The following FNTB variants were observed in gnomAD, a reference collection of about 807,000 sequenced individuals.
FNTB encodes the protein farnesyltransferase, CAAX box, subunit beta.
In FNTB, 27 loss-of-function variants were observed where a neutral mutation model predicts 59.4. The ratio of observed to expected loss-of-function variants is 0.45; its 90% CI spans 0.34 to 0.63. FNTB has a LOEUF of 0.63. Ranked by LOEUF, FNTB falls within the 20% of genes least tolerant of loss-of-function variation. FNTB has a pLI of 0.02. For missense variants in FNTB, 449 were observed against 559.6 expected (o/e 0.80, Z 1.99); for synonymous variants, 230 against 220.7 (o/e 1.04, Z -0.37).
rs1377797152 is a variant in FNTB at position 64,997,419 on chromosome 14, C to T, written c.145-6830C>T. ...CCAGTCAACATTCCCATTCCCTAAC[C>T]CCCTGCCCACCAAACTATCCTTGAA... On this transcript the variant is annotated intron_variant, in intron 1 of 11. Coordinates refer to ENST00000246166, the MANE Select transcript of FNTB (RefSeq NM_002028.4). This position sits in a 1 kb window ranked among gnomAD's most constrained non-coding sequence, Gnocchi z 4.5. Among the ~76,000 whole-genome samples, 5 of 152,174 alleles carry T rather than the reference C, an allele frequency of 3.3e-5. No homozygotes were observed. The highest frequency in any genetic ancestry group is 1.2e-4 in the African/African-American group (5 of 41,430).
rs879744433 is a variant in FNTB, at chr14:64,991,552, C to T, written c.144+4455C>T. On this transcript the variant is annotated intron_variant, in intron 1 of 11. Transcript: ENST00000246166. This position sits in a 1 kb window ranked among gnomAD's most constrained non-coding sequence, Gnocchi z 4.4. ...CTGGGAGGCGGAGGTTGCAGTGAGC[C>T]GAGATTGCACCATTGCACTCAAGCC... 6.6e-6 allele frequency among the ~76,000 whole-genome samples: 1 copy of T among 151,884 alleles called. No homozygotes were observed. The highest frequency in any genetic ancestry group is 2.4e-5 in the African/African-American group (1 of 41,338).
At chr14:65,002,202 C>T (rs1292135768) in intron 1 of FNTB, among the ~76,000 whole-genome samples, 2 of 152,172 alleles carry the variant, frequency 1.3e-5, no homozygotes, top group Admixed American at 6.5e-5. Flanking sequence ...GGAAGGTGAA[C>T]GCCAATCCTG....
In FNTB at chr14:65,031,649, G is replaced by A. The variant is rs921474148; in HGVS notation, c.606-961G>A. On this transcript the variant is annotated intron_variant, in intron 6 of 11. Transcript: ENST00000246166. The surrounding 1 kb of genome is among the most constrained non-coding windows in gnomAD (Gnocchi z 4.6). ...CTTTTTTAAAAAATAGCCCGGGCGC[G>A]GTGGCTTATGCCTGTAATCCCAGCA... is the stretch of plus-strand genomic sequence containing the variant. Among the ~76,000 whole-genome samples the A allele has an allele frequency of 2.0e-5, 3 of 152,072 alleles. No individual in the cohort carries two copies. Among genetic ancestry groups the A allele is most frequent in the Non-Finnish European group, 2.9e-5 (2 of 68,002 alleles).
intron 4 of FNTB, among the ~76,000 whole-genome samples, chr14:65,016,211 A>G (rs1595026232): frequency 6.6e-6 from 1 of 152,230 alleles, no homozygotes; most frequent in Non-Finnish European, 1.5e-5. Flanking sequence ...TACAAATGCC[A>G]TGACTCTCAG....
At chr14:65,037,402 C>CTTTTTTTTTTTTTTTTTTTTTTTTTTT (rs765037575) in intron 7 of FNTB, among the ~76,000 whole-genome samples, 3 of 14,534 alleles carry the variant, frequency 2.1e-4, no homozygotes, top group Non-Finnish European at 2.8e-4. Context: ...CACGCCGGGC[C>CTTTTTTTTTTTTTTTTTTTTTTTTTTT]CTTTTTTTTT....
chr14:65,038,905 C>G (rs987022221), intron 7 of FNTB, among the ~76,000 whole-genome samples: 1 of 152,104 alleles, frequency 6.6e-6, no homozygotes, highest in African/African-American at 2.4e-5. Flanking sequence ...TTTATCTACT[C>G]TCTTGTTCTT....
intron 4 of FNTB, chr14:65,022,201 T>C (rs1023196547): frequency 5.2e-6 from 2 of 387,106 alleles, no homozygotes; most frequent in African/African-American, 2.1e-5. Flanking sequence ...TGCCAGCTCA[T>C]GCATCTTGCA....
Position 65,054,957 on chromosome 14 carries a change from T to C in FNTB, c.1182+268T>C, listed in dbSNP as rs2062698226. 6.6e-6 allele frequency among the ~76,000 whole-genome samples: 1 copy of C among 152,226 alleles called. No individual in the cohort carries two copies. The highest frequency in any genetic ancestry group is 2.4e-5 in the African/African-American group (1 of 41,466). On this transcript the variant is annotated intron_variant, in intron 11 of 11. Coordinates refer to ENST00000246166, the MANE Select transcript of FNTB (RefSeq NM_002028.4). The surrounding 1 kb of genome is among the most constrained non-coding windows in gnomAD (Gnocchi z 4.4). ...CAGGGCTGAGGACCTAGCCCACTGC[T>C]GGTATTAGCTTCCCCTAGAGGAGGC...
intron 7 of FNTB, among the ~76,000 whole-genome samples, chr14:65,039,200 T>A (rs974125640): frequency 6.6e-6 from 1 of 152,166 alleles, no homozygotes; most frequent in Non-Finnish European, 1.5e-5. Flanking sequence ...GTCTGTAGGG[T>A]TTTTCCCTTG....
At position 65,012,306 on chromosome 14, in the gene FNTB, T is replaced by C; in HGVS notation, c.210-11T>C. 1 of 1,614,072 alleles carries C rather than the reference T, an allele frequency of 6.2e-7. No individual in the cohort carries two copies. Among genetic ancestry groups the C allele is most frequent in the South Asian group, 1.1e-5 (1 of 91,090 alleles). ...TATTAGAATGGGCTTATAAACTGTT[T>C]GTCTTTCCAGGCTTGTTTTGCAGAG... On this transcript the variant is annotated splice_polypyrimidine_tract_variant and intron_variant, in intron 2 of 11. Coordinates refer to ENST00000246166, the MANE Select transcript of FNTB (RefSeq NM_002028.4). The surrounding 1 kb of genome is among the most constrained non-coding windows in gnomAD (Gnocchi z 5.0).
rs778150927 is a variant in FNTB, at chr14:65,046,591, G to A, written c.955+2148G>A. On this transcript the variant is annotated intron_variant, in intron 9 of 11. Transcript: ENST00000246166. The stretch of plus-strand genomic sequence containing the variant: ...GTGCTTCCAGCTTTTTTCATTGGCT[G>A]GGAGAAGGCCTGTGTTGTCTTCTCA... Among the ~76,000 whole-genome samples, 4 of 152,114 alleles carry A rather than the reference G, an allele frequency of 2.6e-5. No individual in the cohort carries two copies. The East Asian group carries it at 7.7e-4, about 29-fold the overall frequency.
At position 64,988,985 on chromosome 14, in the gene FNTB, T is replaced by A. The variant is rs140318489; in HGVS notation, c.144+1888T>A. On this transcript the variant is annotated intron_variant, in intron 1 of 11. Coordinates refer to ENST00000246166, the MANE Select transcript of FNTB (RefSeq NM_002028.4). The stretch of plus-strand genomic sequence containing the variant: ...GGTATCATTCAATCCTTTCACTTTT[T>A]ATGGATGAGAAGACTGAGGTTTAGA... Among the ~76,000 whole-genome samples the A allele has an allele frequency of 8.8e-3, 1,344 of 152,168 alleles. 26 individuals are homozygous for A. The highest frequency in any genetic ancestry group is 8.1e-3 in the Non-Finnish European group (552 of 67,996).
At chr14:65,045,710 C>A (rs979256557) in intron 9 of FNTB, among the ~76,000 whole-genome samples, 3 of 152,164 alleles carry the variant, frequency 2.0e-5, no homozygotes, top group African/African-American at 7.2e-5. Context: ...GCCACCGCAC[C>A]CGGCCCTGAG....
rs2139500713 is a variant in FNTB at position 65,009,341 on chromosome 14, A to G, written c.210-2976A>G. Among the ~76,000 whole-genome samples the G allele has an allele frequency of 6.6e-6, 1 of 152,088 alleles. No homozygotes were observed. The highest frequency in any genetic ancestry group is 1.5e-5 in the Non-Finnish European group (1 of 67,980). On this transcript the variant is annotated intron_variant, in intron 2 of 11. Coordinates refer to ENST00000246166, the MANE Select transcript of FNTB (RefSeq NM_002028.4). This position sits in a 1 kb window ranked among gnomAD's most constrained non-coding sequence, Gnocchi z 4.2. The stretch of plus-strand genomic sequence containing the variant: ...CCAACATGTTATATTTCTTAATTTC[A>G]CTGGCGCTTCACTAACTGCCTTATA...
intron 10 of FNTB, 108 bp downstream of exon 10, chr14:65,053,457 C>T: frequency 1.1e-6 from 1 of 938,540 alleles, no homozygotes; most frequent in Middle Eastern, 2.9e-4. Context: ...GTGTCACCTT[C>T]AGCACCTGCA....
Position 64,997,779 on chromosome 14 carries a change from A to G in FNTB, c.145-6470A>G, listed in dbSNP as rs1888456653. Reference sequence around the variant, plus strand: ...TTAGGCAGGTGCCTTCTCCATTGGTAAGAGTTCCTAGTGGCTTAGAGTCAT... The same window carrying G: ...TTAGGCAGGTGCCTTCTCCATTGGTGAGAGTTCCTAGTGGCTTAGAGTCAT... On this transcript the variant is annotated intron_variant, in intron 1 of 11. Transcript: ENST00000246166. The surrounding 1 kb of genome is among the most constrained non-coding windows in gnomAD (Gnocchi z 4.5). Among the ~76,000 whole-genome samples the G allele has an allele frequency of 6.6e-6, 1 of 152,240 alleles. No individual in the cohort carries two copies. The highest frequency in any genetic ancestry group is 2.1e-4 in the South Asian group (1 of 4,834).
In FNTB at chr14:65,012,516, T is replaced by G; in HGVS notation, c.282+127T>G. The G allele has an allele frequency of 2.3e-6, 3 of 1,282,878 alleles. No homozygotes were observed. Among genetic ancestry groups the G allele is most frequent in the Non-Finnish European group, 3.2e-6 (3 of 925,092 alleles). The allele number at this position is 1,282,878 out of a possible 1,614,324, so 79.5% of individuals were successfully genotyped here. A position where few individuals can be genotyped will look rare whatever the true frequency, so the allele number is the denominator to read the frequency against. ...AGTCACTCTTTGTTCTCTGTGGCTC[T>G]GGCAGGAGGTAGGGTGCTGTCACAG... is the stretch of plus-strand genomic sequence containing the variant. On this transcript the variant is annotated intron_variant, in intron 3 of 11. Coordinates refer to ENST00000246166, the MANE Select transcript of FNTB (RefSeq NM_002028.4). The surrounding 1 kb of genome is among the most constrained non-coding windows in gnomAD (Gnocchi z 5.0).
chr14:64,996,180 G>A (rs997449275), intron 1 of FNTB, among the ~76,000 whole-genome samples: 26 of 151,476 alleles, frequency 1.7e-4, no homozygotes, highest in Admixed American at 1.6e-3. Context: ...GCTGGGCACC[G>A]TGGCTCATGC....
chr14:65,020,348 A>G (rs1262758428), intron 4 of FNTB, among the ~76,000 whole-genome samples: 3 of 152,154 alleles, frequency 2.0e-5, no homozygotes, highest in South Asian at 2.1e-4. Context: ...CCTGGGCTCA[A>G]TTGATCCTCC....
Sources: allele counts gnomAD v4.1 joint callset (sites outside exome capture counted in the v4.1 genomes callset), GRCh38; gene constraint gnomAD v4.1.1; non-coding constraint Gnocchi (gnomAD v3.1); transcripts MANE v1.5; gene names NCBI Gene and HGNC (gene_info 2026-07-23, HGNC 2026-07-21).